Variants in FAM149B1 observed in about 807,000 individuals in gnomAD.
FAM149B1 encodes family with sequence similarity 149 member B1, also known as primary cilium assembly protein FAM149B1.
In FAM149B1, 56 loss-of-function variants were observed where a neutral mutation model predicts 75.3. The observed-to-expected ratio is 0.74, with a 90% CI of 0.60 to 0.93. The LOEUF is 0.93. Ranked by LOEUF, FAM149B1 falls within the 40% of genes least tolerant of loss-of-function variation. The pLI is 0.00. For missense variants in FAM149B1, 639 were observed against 708.4 expected (o/e 0.90, Z 1.11); for synonymous variants, 259 against 256.1 (o/e 1.01, Z -0.11).
intron 3 of FAM149B1, among the ~76,000 whole-genome samples, chr10:73,182,311 T>C (rs2042419516): frequency 6.6e-6 from 1 of 151,672 alleles, no homozygotes; most frequent in Admixed American, 6.6e-5. Context: ...GCCTCCTAGA[T>C]TCAAGTGATT....
At chr10:73,233,854 C>A (rs2043764028) in intron 10 of FAM149B1, among the ~76,000 whole-genome samples, 1 of 152,136 alleles carries the variant, frequency 6.6e-6, no homozygotes, top group Non-Finnish European at 1.5e-5. Flanking sequence ...CTTTAAGGTT[C>A]TTCTGTACCA....
intron 5 of FAM149B1, among the ~76,000 whole-genome samples, chr10:73,193,846 G>GT (rs927794391): frequency 2.3e-4 from 35 of 152,254 alleles, no homozygotes; most frequent in African/African-American, 8.2e-4. Context: ...CTGAAACTGG[G>GT]TAATTTATAA....
chr10:73,182,111 C>T (rs1023412086), intron 3 of FAM149B1, among the ~76,000 whole-genome samples: 17 of 151,284 alleles, frequency 1.1e-4, no homozygotes, highest in African/African-American at 4.1e-4. Context: ...TTTTCCATCC[C>T]TTTATTTTCA....
chr10:73,197,451 C>T (rs868822712), intron 5 of FAM149B1, among the ~76,000 whole-genome samples: 6 of 152,038 alleles, frequency 3.9e-5, no homozygotes, highest in South Asian at 2.1e-4. Context: ...GCACTGAAGA[C>T]GGTGAGAAAA....
chr10:73,229,261 C>A (rs562993546), intron 8 of FAM149B1, among the ~76,000 whole-genome samples: 18 of 151,898 alleles, frequency 1.2e-4, no homozygotes, highest in South Asian at 4.2e-4. Context: ...AAAAAAAAAA[C>A]CAGAGAAAGG....
intron 10 of FAM149B1, among the ~76,000 whole-genome samples, chr10:73,233,699 A>C (rs937013968): frequency 2.6e-5 from 4 of 152,228 alleles, no homozygotes; most frequent in African/African-American, 9.6e-5. Context: ...ATCTAGCTAA[A>C]GAGTTCTATT....
At chr10:73,187,903 T>G (rs962634641) in intron 3 of FAM149B1, among the ~76,000 whole-genome samples, 2 of 151,812 alleles carry the variant, frequency 1.3e-5, no homozygotes, top group Admixed American at 1.3e-4. Flanking sequence ...GCCAACATGG[T>G]GAAACCCTGT....
chr10:73,170,965 TTTTC>T (rs773878189), intron 1 of FAM149B1, among the ~76,000 whole-genome samples: 17 of 150,552 alleles, frequency 1.1e-4, no homozygotes, highest in Middle Eastern at 3.2e-3. Context: ...GTTGTATCAG[TTTTC>T]TTTCTATTTT....
intron 7 of FAM149B1, among the ~76,000 whole-genome samples, chr10:73,221,965 G>A (rs1383877662): frequency 1.3e-5 from 2 of 152,038 alleles, no homozygotes; most frequent in African/African-American, 4.8e-5. Flanking sequence ...TCATCTCAAA[G>A]TATGATTTGA....
At chr10:73,202,733 C>T (rs902728528) in intron 5 of FAM149B1, among the ~76,000 whole-genome samples, 5 of 151,598 alleles carry the variant, frequency 3.3e-5, no homozygotes, top group African/African-American at 1.2e-4. Context: ...CTTTGTCACC[C>T]AGACTGGAGT....
intron 7 of FAM149B1, among the ~76,000 whole-genome samples, chr10:73,217,564 T>C (rs1022665695): frequency 6.6e-6 from 1 of 152,202 alleles, no homozygotes; most frequent in Non-Finnish European, 1.5e-5. Flanking sequence ...ATTTACACTT[T>C]TGTGTATTCT....
intron 7 of FAM149B1, among the ~76,000 whole-genome samples, chr10:73,223,074 T>C (rs1260097880): frequency 6.6e-6 from 1 of 152,142 alleles, no homozygotes; most frequent in African/African-American, 2.4e-5. Context: ...GAGCTATGAC[T>C]GTGCTAATAT....
chr10:73,192,649 A>G lies in FAM149B1; in HGVS notation c.376A>G (p.Ser126Gly), dbSNP rs1032963957. 28 of 1,551,362 alleles carry G rather than the reference A, an allele frequency of 1.8e-5. No homozygotes were observed. The highest frequency in any genetic ancestry group is 4.8e-5 in the South Asian group (4 of 83,906). Residue 126 changes from serine (S) to glycine (G), a missense_variant, in exon 4 of 14, where the codon AGT becomes GGT. By Grantham distance (56) the Ser-to-Gly change is moderately conservative. Transcript: ENST00000242505. The stretch of plus-strand genomic sequence containing the variant: ...GCAGAAGTTGAGTGTGCATACCAAG[A>G]GTCTACAAGAAGAGTGCCAACAGTG... ...YEQKLSVHTK[S>G]LQEECQQWTA...
At chr10:73,225,870 T>C (rs988494640) in intron 7 of FAM149B1, among the ~76,000 whole-genome samples, 8 of 152,226 alleles carry the variant, frequency 5.3e-5, no homozygotes, top group African/African-American at 1.9e-4. Context: ...CATTGTGTTA[T>C]AGTTGCCCCC....
chr10:73,193,659 G>A, intron 5 of FAM149B1, 66 bp downstream of exon 5: 1 of 1,438,754 alleles, frequency 7.0e-7, no homozygotes, highest in Non-Finnish European at 9.3e-7. Flanking sequence ...CCTACCAGTT[G>A]TATTAAGGGA....
At chr10:73,176,703 T>A (rs1331737731) in intron 2 of FAM149B1, among the ~76,000 whole-genome samples, 6 of 151,964 alleles carry the variant, frequency 3.9e-5, no homozygotes, top group Non-Finnish European at 7.4e-5. Context: ...CTGGGCAATA[T>A]GGCAAAACTC....
intron 3 of FAM149B1, among the ~76,000 whole-genome samples, chr10:73,188,200 A>G (rs1312647890): frequency 6.6e-6 from 1 of 152,224 alleles, no homozygotes. Context: ...TTGATTTTTG[A>G]CAAAGGTACA....
intron 3 of FAM149B1, among the ~76,000 whole-genome samples, chr10:73,188,777 GGAA>G (rs2042602668): frequency 8.1e-6 from 1 of 122,912 alleles, no homozygotes; most frequent in Non-Finnish European, 1.8e-5. Context: ...AAGGAAGGAA[GGAA>G]GGAAGGAAGG....
chr10:73,179,690 G>A (rs2042351439), intron 3 of FAM149B1, among the ~76,000 whole-genome samples: 1 of 151,924 alleles, frequency 6.6e-6, no homozygotes, highest in African/African-American at 2.4e-5. Flanking sequence ...CACCCAGCCA[G>A]AAACCTGCTT....
Sources: allele counts gnomAD v4.1 joint callset (sites outside exome capture counted in the v4.1 genomes callset), GRCh38; gene constraint gnomAD v4.1.1; transcripts MANE v1.5; gene names NCBI Gene and HGNC (gene_info 2026-07-23, HGNC 2026-07-21).